CNTNAP5: variants seen among roughly 807,000 people sequenced by gnomAD.
CNTNAP5 encodes contactin-associated protein-like 5.
CNTNAP5 carries 72 observed loss-of-function variants against 150.2 expected under a neutral mutation model. The observed-to-expected ratio is 0.48, with a 90% CI of 0.40 to 0.58. The LOEUF (loss-of-function observed/expected upper bound fraction) is 0.58. Ranked by LOEUF, CNTNAP5 falls within the 20% of genes least tolerant of loss-of-function variation. The probability of loss-of-function intolerance (pLI) is 0.00; values close to 1 mark genes in which losing one functional copy is unlikely to be tolerated. For missense variants in CNTNAP5, 1,636 were observed against 1,626.2 expected, an observed-to-expected ratio of 1.01 and a Z score of -0.10; for synonymous variants, 672 against 619.8, an observed-to-expected ratio of 1.08 and a Z score of -1.25.
At chr2:124,261,069 T>G (rs1430001136) in intron 3 of CNTNAP5, among the ~76,000 whole-genome samples, 1 of 152,162 alleles carries the variant, frequency 6.6e-6, no homozygotes, top group African/African-American at 2.4e-5. Context: ...AGGAGTTCTA[T>G]GTATCAGAAA....
In CNTNAP5 at chr2:124,621,944, ACTTT is replaced by A. The variant is rs529862511; in HGVS notation, c.1876+12029_1876+12032del. 2.4e-4 allele frequency among the ~76,000 whole-genome samples: 37 copies of A among 151,526 alleles called. 1 individual carries two copies. In the East Asian group the frequency reaches 7.2e-3, roughly 29 times the overall value. On this transcript the variant is annotated intron_variant, in intron 12 of 23. Transcript: ENST00000682447. ...GCAGATTCCTGTTTGAAAACACTCT[ACTTT>A]CTTTTTTTTTCTTCAACTTTTATTT...
chr2:124,317,409 G>A (rs1048294392), intron 3 of CNTNAP5, among the ~76,000 whole-genome samples: 4 of 152,108 alleles, frequency 2.6e-5, no homozygotes, highest in African/African-American at 2.4e-5. Context: ...CTGAATGCAA[G>A]CTGTCTCAGG....
At chr2:124,458,187 G>C (rs559582898) in intron 6 of CNTNAP5, among the ~76,000 whole-genome samples, 96 of 113,130 alleles carry the variant, frequency 8.5e-4, no homozygotes, top group African/African-American at 3.1e-3. Flanking sequence ...TCAATTAGTG[G>C]ATAAAGAAAC....
intron 17 of CNTNAP5, among the ~76,000 whole-genome samples, chr2:124,788,939 A>G (rs1261560464): frequency 2.0e-5 from 3 of 152,100 alleles, no homozygotes; most frequent in Admixed American, 6.5e-5. Context: ...GGCCTATTGT[A>G]TGATCTTAGT....
At chr2:124,393,367 C>T (rs2104750742) in intron 3 of CNTNAP5, among the ~76,000 whole-genome samples, 1 of 152,260 alleles carries the variant, frequency 6.6e-6, no homozygotes, top group Admixed American at 6.5e-5. Context: ...AGCTGGGACT[C>T]CTGCCCTTTT....
At chr2:124,491,931 T>C (rs750816307) in intron 7 of CNTNAP5, among the ~76,000 whole-genome samples, 26 of 152,204 alleles carry the variant, frequency 1.7e-4, no homozygotes, top group East Asian at 5.8e-4. Context: ...TCTTTGCTCT[T>C]TTTATTATAT....
chr2:124,377,682 GA>G (rs1285406110), intron 3 of CNTNAP5, among the ~76,000 whole-genome samples: 21 of 90,142 alleles, frequency 2.3e-4, no homozygotes, highest in Non-Finnish European at 4.7e-5. Context: ...TCTCAAAAAG[GA>G]AAAAAAAAAG....
chr2:124,763,807 CAA>C lies in CNTNAP5; in HGVS notation c.2362+11_2362+12del, dbSNP rs1681010053. On this transcript the variant is annotated intron_variant, in intron 15 of 23. Coordinates refer to ENST00000682447, the MANE Select transcript of CNTNAP5 (RefSeq NM_001367498.1). ...TGCGTTGCTATGGTGACCGTGAGTA[CAA>C]AATCGAAAGAAGCTTTCTCTCTGCA... 5 of 1,612,708 alleles carry C rather than the reference CAA, an allele frequency of 3.1e-6. No homozygotes were observed. The East Asian group carries it at 1.1e-4, about 36-fold the overall frequency.
chr2:124,207,854 A>G (rs1047183729), intron 1 of CNTNAP5, among the ~76,000 whole-genome samples: 11 of 152,208 alleles, frequency 7.2e-5, no homozygotes, highest in African/African-American at 2.7e-4. Flanking sequence ...CAGATTTGCA[A>G]ACTCTAAATA....
intron 12 of CNTNAP5, among the ~76,000 whole-genome samples, chr2:124,637,779 C>T (rs752512687): frequency 6.6e-6 from 1 of 152,072 alleles, no homozygotes; most frequent in Non-Finnish European, 1.5e-5. Context: ...ACTCCATCTC[C>T]CCTTGTGTCG....
At chr2:124,540,925 A>C (rs1695367140) in intron 10 of CNTNAP5, among the ~76,000 whole-genome samples, 1 of 152,150 alleles carries the variant, frequency 6.6e-6, no homozygotes, top group Non-Finnish European at 1.5e-5. Flanking sequence ...ACCTGAGAGG[A>C]AGGCCACTTT....
At position 124,647,743 on chromosome 2, in the gene CNTNAP5, G is replaced by A. The variant is rs1396471817; in HGVS notation, c.1877-15G>A. ...CTTCTAACGTCTCTTGCTTTGTGTT[G>A]TGTTGTCTGGGCAGAGGACAAGATC... On this transcript the variant is annotated splice_polypyrimidine_tract_variant and intron_variant, in intron 12 of 23. Coordinates refer to ENST00000682447, the MANE Select transcript of CNTNAP5 (RefSeq NM_001367498.1). 1 of 1,572,988 alleles carries A rather than the reference G, an allele frequency of 6.4e-7. No homozygotes were observed. The highest frequency in any genetic ancestry group is 8.7e-7 in the Non-Finnish European group (1 of 1,153,582).
At chr2:124,381,686 C>G (rs1033208411) in intron 3 of CNTNAP5, among the ~76,000 whole-genome samples, 3 of 152,016 alleles carry the variant, frequency 2.0e-5, no homozygotes, top group African/African-American at 7.2e-5. Flanking sequence ...GTTTGAGTCA[C>G]CTATGAGCCT....
chr2:124,894,805 G>T (rs1028664350), intron 21 of CNTNAP5, among the ~76,000 whole-genome samples: 3 of 151,156 alleles, frequency 2.0e-5, no homozygotes, highest in African/African-American at 7.4e-5. Context: ...CTCCTGCCTT[G>T]GCTTCCCAAA....
At chr2:124,901,981 A>G (rs1310806435) in intron 21 of CNTNAP5, among the ~76,000 whole-genome samples, 1 of 152,160 alleles carries the variant, frequency 6.6e-6, no homozygotes, top group Non-Finnish European at 1.5e-5. Context: ...AGTAGATGAG[A>G]GAGTCCCTAC....
chr2:124,581,041 T>C (rs1696399130), intron 11 of CNTNAP5, among the ~76,000 whole-genome samples: 1 of 152,016 alleles, frequency 6.6e-6, no homozygotes, highest in South Asian at 2.1e-4. Context: ...TTATAGAATG[T>C]GATGGATATG....
Position 124,769,847 on chromosome 2 carries a change from C to A in CNTNAP5, c.2534-2952C>A, listed in dbSNP as rs924643371. Among the ~76,000 whole-genome samples the A allele has an allele frequency of 2.0e-5, 3 of 152,124 alleles. No homozygotes were observed. The South Asian group carries it at 6.2e-4, about 31-fold the overall frequency. On this transcript the variant is annotated intron_variant, in intron 16 of 23. Coordinates refer to ENST00000682447, the MANE Select transcript of CNTNAP5 (RefSeq NM_001367498.1). ...CAGCTTACTTAGGTACAGCTTACTA[C>A]CTGTACCTTACTTCCCTCATCTGTA...
At chr2:124,812,772 T>A (rs1389491711) in intron 19 of CNTNAP5, among the ~76,000 whole-genome samples, 1 of 152,138 alleles carries the variant, frequency 6.6e-6, no homozygotes, top group Admixed American at 6.6e-5. Context: ...TAAATGTATA[T>A]GATTGATGTC....
At chr2:124,256,205 A>G (rs1687310837) in intron 3 of CNTNAP5, among the ~76,000 whole-genome samples, 1 of 152,110 alleles carries the variant, frequency 6.6e-6, no homozygotes, top group Non-Finnish European at 1.5e-5. Context: ...TTCGGATAAT[A>G]TATTATATTG....
Sources: allele counts gnomAD v4.1 joint callset (sites outside exome capture counted in the v4.1 genomes callset), GRCh38; gene constraint gnomAD v4.1.1; transcripts MANE v1.5; gene names NCBI Gene and HGNC (gene_info 2026-07-23, HGNC 2026-07-21).